Variants in CARMIL1 observed in about 807,000 individuals in gnomAD.
CARMIL1 encodes capping protein regulator and myosin 1 linker 1.
CARMIL1 carries 90 observed loss-of-function variants against 177.1 expected under a neutral mutation model. The observed-to-expected ratio is 0.51, with a 90% CI of 0.43 to 0.61. CARMIL1 has a LOEUF of 0.61. Among genes scored for constraint, CARMIL1 ranks in the 20% least tolerant of loss-of-function variants. CARMIL1 has a pLI of 0.00. For missense variants in CARMIL1, 1,380 were observed against 1,667.0 expected (o/e 0.83, Z 3.00); for synonymous variants, 577 against 606.2 (o/e 0.95, Z 0.71).
intron 36 of CARMIL1, among the ~76,000 whole-genome samples, chr6:25,615,783 T>A (rs1816843550): frequency 6.6e-6 from 1 of 152,214 alleles, no homozygotes; most frequent in African/African-American, 2.4e-5. Context: ...GAATACTATT[T>A]TAAGGTCATC....
chr6:25,426,580 C>A lies in CARMIL1; in HGVS notation c.249+20C>A. 1 of 1,603,030 alleles carries A rather than the reference C, an allele frequency of 6.2e-7. No individual in the cohort carries two copies. Among genetic ancestry groups the A allele is most frequent in the Middle Eastern group, 1.7e-4 (1 of 6,034 alleles). On this transcript the variant is annotated intron_variant, in intron 4 of 36. Coordinates refer to ENST00000329474, the MANE Select transcript of CARMIL1 (RefSeq NM_017640.6). ...GCTCAGGTGAGTGTGAAAAATGGAT[C>A]ACTGCAAGATCATGATCTTTCTTGA... is the stretch of plus-strand genomic sequence containing the variant.
intron 31 of CARMIL1, among the ~76,000 whole-genome samples, chr6:25,593,585 G>C (rs1256953774): frequency 6.6e-6 from 1 of 152,192 alleles, no homozygotes; most frequent in Non-Finnish European, 1.5e-5. Flanking sequence ...AGAAGCCTCA[G>C]GATCCAGGCG....
At chr6:25,341,113 C>A (rs2150323219) in intron 2 of CARMIL1, among the ~76,000 whole-genome samples, 1 of 152,018 alleles carries the variant, frequency 6.6e-6, no homozygotes, top group Admixed American at 6.5e-5. Flanking sequence ...CTCATGATAA[C>A]CTTATGAAGT....
chr6:25,589,547 G>A (rs1814103856), intron 31 of CARMIL1, among the ~76,000 whole-genome samples: 4 of 152,060 alleles, frequency 2.6e-5, no homozygotes, highest in Admixed American at 2.6e-4. Context: ...GAGAGCAGTG[G>A]TGCGATCTCA....
At chr6:25,581,473 C>A (rs772162342) in intron 31 of CARMIL1, 34 bp downstream of exon 31, 3 of 1,549,176 alleles carry the variant, frequency 1.9e-6, no homozygotes, top group Non-Finnish European at 1.7e-6. Flanking sequence ...CCATCTCTCC[C>A]ACACCCTTTT....
chr6:25,309,354 CAAAAAA>C (rs70975001), intron 2 of CARMIL1, among the ~76,000 whole-genome samples: 19 of 85,692 alleles, frequency 2.2e-4, no homozygotes, highest in African/African-American at 6.8e-4. Flanking sequence ...GAGTCCCTCT[CAAAAAA>C]AAAAAAAAAA....
chr6:25,370,646 T>C (rs1232121094), intron 2 of CARMIL1, among the ~76,000 whole-genome samples: 1 of 152,188 alleles, frequency 6.6e-6, no homozygotes, highest in Non-Finnish European at 1.5e-5. Flanking sequence ...TTTGTCTGCC[T>C]CGTAGCTCTT....
chr6:25,471,153 A>G lies in CARMIL1; in HGVS notation c.691-16A>G, dbSNP rs1158349619. ...TTTAGAGTTATGGAATAGTCAAAGA[A>G]TGTTTTCTGTTACAGTCCACTGATG... On this transcript the variant is annotated splice_polypyrimidine_tract_variant and intron_variant, in intron 9 of 36. Coordinates refer to ENST00000329474, the MANE Select transcript of CARMIL1 (RefSeq NM_017640.6). 1 of 1,552,148 alleles carries G rather than the reference A, an allele frequency of 6.4e-7. No homozygotes were observed. Among genetic ancestry groups the G allele is most frequent in the Non-Finnish European group, 8.8e-7 (1 of 1,134,352 alleles).
chr6:25,443,363 A>T (rs556985027), intron 5 of CARMIL1, among the ~76,000 whole-genome samples: 1 of 152,366 alleles, frequency 6.6e-6, no homozygotes, highest in East Asian at 1.9e-4. Context: ...CTTCTCAAAC[A>T]TGGTTACCCC....
intron 23 of CARMIL1, among the ~76,000 whole-genome samples, chr6:25,523,045 TGCCTTG>T (rs1042202846): frequency 5.9e-5 from 9 of 152,190 alleles, no homozygotes; most frequent in African/African-American, 1.9e-4. Context: ...GTAATCCTCC[TGCCTTG>T]GCCTCCCAAA....
chr6:25,299,027 C>G (rs914806394), intron 2 of CARMIL1, among the ~76,000 whole-genome samples: 1 of 151,724 alleles, frequency 6.6e-6, no homozygotes, highest in Non-Finnish European at 1.5e-5. Context: ...GCTGGGATTA[C>G]AGGTGTGAGC....
At chr6:25,580,669 T>C (rs1813040209) in intron 29 of CARMIL1, among the ~76,000 whole-genome samples, 1 of 152,218 alleles carries the variant, frequency 6.6e-6, no homozygotes, top group Non-Finnish European at 1.5e-5. Flanking sequence ...TGGAATTAAA[T>C]TCATTCATTG....
chr6:25,319,986 A>G (rs1161046274), intron 2 of CARMIL1, among the ~76,000 whole-genome samples: 3 of 152,186 alleles, frequency 2.0e-5, no homozygotes, highest in Non-Finnish European at 4.4e-5. Flanking sequence ...TTACTTGCAC[A>G]TGTTATGTTC....
Position 25,403,610 on chromosome 6 carries a change from C to G in CARMIL1, c.139-16504C>G, listed in dbSNP as rs535626780. 2.0e-5 allele frequency among the ~76,000 whole-genome samples: 3 copies of G among 152,308 alleles called. No individual in the cohort carries two copies. The South Asian group carries it at 6.2e-4, about 32-fold the overall frequency. ...CTGCAGGCATATTCTTGCCTCAGGG[C>G]CTTTGCGTTTGCTATTCCCTCTGTC... On this transcript the variant is annotated intron_variant, in intron 2 of 36. Coordinates refer to ENST00000329474, the MANE Select transcript of CARMIL1 (RefSeq NM_017640.6).
intron 29 of CARMIL1, among the ~76,000 whole-genome samples, 156 bp from the exon 30 acceptor site, chr6:25,580,768 A>T (rs1813049047): frequency 6.6e-6 from 1 of 152,252 alleles, no homozygotes; most frequent in African/African-American, 2.4e-5. Flanking sequence ...AAACATTTAG[A>T]AATAGTTTGG....
At position 25,577,715 on chromosome 6, in the gene CARMIL1, A is replaced by T. The variant is rs974399595; in HGVS notation, c.2743-3209A>T. ...CAAGATTAGTCTTTAACTTGTAGTAAAAGTAGACATATCTCAATTGAGCTA... is the reference window on the plus strand; with the variant it reads ...CAAGATTAGTCTTTAACTTGTAGTATAAGTAGACATATCTCAATTGAGCTA... On this transcript the variant is annotated intron_variant, in intron 29 of 36. Transcript: ENST00000329474. The surrounding 1 kb of genome is among the most constrained non-coding windows in gnomAD (Gnocchi z 4.5). Among the ~76,000 whole-genome samples the T allele has an allele frequency of 2.0e-5, 3 of 152,204 alleles. No individual in the cohort carries two copies. The highest frequency in any genetic ancestry group is 7.2e-5 in the African/African-American group (3 of 41,450).
chr6:25,529,034 G>C, intron 24 of CARMIL1, 141 bp downstream of exon 24: 2 of 652,840 alleles, frequency 3.1e-6, no homozygotes, highest in South Asian at 4.1e-5. Flanking sequence ...AGTAGAGTTT[G>C]AGGGAAGATA....
Position 25,520,284 on chromosome 6 carries a change from G to A in CARMIL1, c.1915G>A (p.Ala639Thr). Reference protein sequence around the residue: ...LRFMPIPMYDASQALKTNPEK... With the variant: ...LRFMPIPMYDTSQALKTNPEK... Reference sequence around the variant, plus strand: ...ATTTATGCCAATTCCTATGTATGATGCTTCTCAAGCCCTAAAAACAAACCC... The same window carrying A: ...ATTTATGCCAATTCCTATGTATGATACTTCTCAAGCCCTAAAAACAAACCC... The change falls in exon 23 of 37, where the codon GCT becomes ACT. Residue 639 changes from alanine (A) to threonine (T), a missense_variant. Physicochemically the swap from Ala to Thr is moderately conservative, Grantham distance 58 (BLOSUM62 0). Coordinates refer to ENST00000329474, the MANE Select transcript of CARMIL1 (RefSeq NM_017640.6). 2 of 1,565,346 alleles carry A rather than the reference G, an allele frequency of 1.3e-6. No individual in the cohort carries two copies. Among genetic ancestry groups the A allele is most frequent in the Non-Finnish European group, 1.7e-6 (2 of 1,153,506 alleles).
intron 2 of CARMIL1, among the ~76,000 whole-genome samples, chr6:25,412,323 A>G (rs1794973288): frequency 1.3e-5 from 2 of 152,234 alleles, no homozygotes; most frequent in Admixed American, 1.3e-4. Flanking sequence ...GGCCCATGCC[A>G]ATAATCCCAG....
Sources: gnomAD v4.1 joint callset for allele counts (sites outside exome capture counted in the v4.1 genomes callset) on GRCh38, gnomAD v4.1.1 for gene constraint, Gnocchi (gnomAD v3.1) non-coding constraint, MANE v1.5 for transcripts, NCBI Gene and HGNC (gene_info 2026-07-23, HGNC 2026-07-21) for gene names.